The following SHISA5 variants were observed in gnomAD, a reference collection of about 807,000 sequenced individuals.
SHISA5 encodes the protein protein shisa-5.
A neutral mutation model predicts 27.5 loss-of-function variants in SHISA5; 21 were observed. The observed-to-expected ratio is 0.76, with a 90% CI of 0.54 to 1.10. SHISA5 has a LOEUF of 1.10. Among genes scored for constraint, SHISA5 ranks in the 50% least tolerant of loss-of-function variants. The probability of loss-of-function intolerance (pLI) is 0.00; values close to 1 mark genes in which losing one functional copy is unlikely to be tolerated. For synonymous variants in SHISA5, 137 were observed against 142.2 expected, an observed-to-expected ratio of 0.96 and a Z score of 0.26; for missense variants, 314 against 336.3, an observed-to-expected ratio of 0.93 and a Z score of 0.52.
intron 3 of SHISA5, among the ~76,000 whole-genome samples, chr3:48,474,977 T>C (rs762470097): frequency 2.0e-5 from 3 of 152,154 alleles, no homozygotes; most frequent in Non-Finnish European, 4.4e-5. Context: ...CTTCAGTTCA[T>C]AAACACACAC....
Position 48,469,673 on chromosome 3 carries a change from T to A in SHISA5, c.430+55A>T, listed in dbSNP as rs1284623468. ...CCAGCTTAGCCAAAGCAGGGCCTGG[T>A]CAGCTTCCCTTACCACCCCAGGGGG... On this transcript the variant is annotated intron_variant, in intron 4 of 5. Transcript: ENST00000296444. This position sits in a 1 kb window ranked among gnomAD's most constrained non-coding sequence, Gnocchi z 4.6. The A allele has an allele frequency of 1.3e-5, 21 of 1,607,988 alleles. No individual in the cohort carries two copies. Among genetic ancestry groups the A allele is most frequent in the Non-Finnish European group, 1.4e-5 (16 of 1,176,996 alleles).
chr3:48,474,978 A>G (rs1237859284), intron 3 of SHISA5, among the ~76,000 whole-genome samples: 20 of 152,100 alleles, frequency 1.3e-4, no homozygotes, highest in Admixed American at 1.3e-3. Flanking sequence ...TTCAGTTCAT[A>G]AACACACACT....
In SHISA5 at chr3:48,468,794, T is replaced by A; in HGVS notation, c.*313A>T. On this transcript the variant is annotated 3_prime_UTR_variant, in exon 6 of 6. Coordinates refer to ENST00000296444, the MANE Select transcript of SHISA5 (RefSeq NM_016479.6). ...GATGTGCCCTGGAGAGGCCCCCACC[T>A]CTCAGGGGCCACCTCACAGGGTGCC... 1 of 1,431,778 alleles carries A rather than the reference T, an allele frequency of 7.0e-7. No individual in the cohort carries two copies. The highest frequency in any genetic ancestry group is 9.3e-7 in the Non-Finnish European group (1 of 1,080,050). 88.7% of individuals were successfully genotyped at this position (1,431,778 alleles called of 1,614,324 possible).
intron 1 of SHISA5, chr3:48,503,298 C>T (rs961899779): frequency 3.1e-6 from 2 of 640,918 alleles, no homozygotes; most frequent in Non-Finnish European, 5.0e-6. Context: ...CAGGCTCACT[C>T]CAGGAGTGGG....
In SHISA5 at chr3:48,469,861, G is replaced by A. The variant is rs372173252; in HGVS notation, c.315-18C>T. ...CTCCGAACCTGCCAAAGAGCTAGAC[G>A]TGACCCGGGGCACCTCGCCCCTCCC... On this transcript the variant is annotated intron_variant, in intron 3 of 5. Transcript: ENST00000296444. The surrounding 1 kb of genome is among the most constrained non-coding windows in gnomAD (Gnocchi z 4.6). 5.0e-5 allele frequency: 81 copies of A among 1,607,378 alleles called. No individual in the cohort carries two copies. The African/African-American group carries it at 6.5e-4, about 13-fold the overall frequency.
chr3:48,472,976 TCAAA>T, intron 3 of SHISA5: 1 of 1,521,992 alleles, frequency 6.6e-7, no homozygotes, highest in Non-Finnish European at 8.8e-7. Context: ...TGTTTGTCTC[TCAAA>T]CACACACGCA....
chr3:48,491,063 C>T (rs924049783), intron 2 of SHISA5, among the ~76,000 whole-genome samples: 1 of 145,618 alleles, frequency 6.9e-6, no homozygotes, highest in African/African-American at 2.5e-5. Context: ...AGAAGCTCCC[C>T]ACCCTCCCAA....
At chr3:48,501,860 C>CTT (rs35527637) in intron 1 of SHISA5, among the ~76,000 whole-genome samples, 8,095 of 133,018 alleles carry the variant, frequency 0.061, 482 homozygotes, top group African/African-American at 0.13. Context: ...CCCTTTCTTT[C>CTT]TTTTTTTTTT....
At chr3:48,503,604 G>C (rs1163147509) in intron 1 of SHISA5, 1 of 667,700 alleles carries the variant, frequency 1.5e-6, no homozygotes, top group African/African-American at 2.0e-5. Flanking sequence ...AGGGCCAACG[G>C]AGGCAGCGGT....
chr3:48,500,962 C>A (rs536432785), intron 2 of SHISA5, among the ~76,000 whole-genome samples, 175 bp downstream of exon 2: 1 of 152,242 alleles, frequency 6.6e-6, no homozygotes, highest in South Asian at 2.1e-4. Context: ...ACTAACTGAG[C>A]AGGTCTAGGG....
rs149310132 is a variant in SHISA5 at position 48,469,745 on chromosome 3, G to T, written c.413C>A (p.Thr138Lys). 22 of 1,613,968 alleles carry T rather than the reference G, an allele frequency of 1.4e-5. No homozygotes were observed. Among genetic ancestry groups the T allele is most frequent in the Non-Finnish European group, 1.4e-5 (17 of 1,179,978 alleles). ...ACGCTTACGACGTGGTCGGCGGCAC[G>T]TCTTGTAAAGGCAGCAGCAGGAGCA... Reference protein sequence around the residue: ...FTCSCCCLYKTCRRPRPVVTT... With the variant: ...FTCSCCCLYKKCRRPRPVVTT... Residue 138 changes from threonine (T) to lysine (K), a missense_variant, in exon 4 of 6, where the codon ACG becomes AAG. Coordinates refer to ENST00000296444, the MANE Select transcript of SHISA5 (RefSeq NM_016479.6). This position sits in a 1 kb window ranked among gnomAD's most constrained non-coding sequence, Gnocchi z 4.6.
chr3:48,477,163 TTTG>T, intron 3 of SHISA5: 1 of 423,616 alleles, frequency 2.4e-6, no homozygotes, highest in Non-Finnish European at 4.6e-6. Flanking sequence ...ACTCCTTTTT[TTTG>T]TTGTTGCAAC....
At position 48,469,938 on chromosome 3, in the gene SHISA5, C is replaced by T; in HGVS notation, c.315-95G>A. 6.8e-7 allele frequency: 1 copy of T among 1,472,584 alleles called. No homozygotes were observed. Among genetic ancestry groups the T allele is most frequent in the Non-Finnish European group, 9.2e-7 (1 of 1,089,128 alleles). 91.2% of individuals were successfully genotyped at this position (1,472,584 alleles called of 1,614,324 possible). A position where few individuals can be genotyped will look rare whatever the true frequency, so the allele number is the denominator to read the frequency against. On this transcript the variant is annotated intron_variant, in intron 3 of 5. Coordinates refer to ENST00000296444, the MANE Select transcript of SHISA5 (RefSeq NM_016479.6). The surrounding 1 kb of genome is among the most constrained non-coding windows in gnomAD (Gnocchi z 4.6). ...GCATGCCCCTCTTGCCAGAAGGGGT[C>T]TGGGCAATACAGTTATAGCTACTTC...
chr3:48,501,098 G>A (rs1448554469), intron 2 of SHISA5, 39 bp downstream of exon 2: 1 of 1,576,530 alleles, frequency 6.3e-7, no homozygotes, highest in South Asian at 1.2e-5. Flanking sequence ...TGGGGCACAG[G>A]CTCAAGCCAC....
At chr3:48,502,039 T>C (rs1002147035) in intron 1 of SHISA5, among the ~76,000 whole-genome samples, 3 of 152,138 alleles carry the variant, frequency 2.0e-5, no homozygotes, top group Non-Finnish European at 2.9e-5. Context: ...TTTTTGTATT[T>C]TTTAGTACAG....
intron 2 of SHISA5, among the ~76,000 whole-genome samples, chr3:48,492,032 C>T (rs1051474584): frequency 2.0e-5 from 3 of 148,900 alleles, no homozygotes; most frequent in African/African-American, 5.1e-5. Context: ...AGGCTTTGCA[C>T]TTTAGAGTTA....
At position 48,468,772 on chromosome 3, in the gene SHISA5, G is replaced by A; in HGVS notation, c.*335C>T. 7.2e-7 allele frequency: 1 copy of A among 1,397,170 alleles called. No individual in the cohort carries two copies. The highest frequency in any genetic ancestry group is 9.4e-7 in the Non-Finnish European group (1 of 1,058,584). 86.5% of individuals were successfully genotyped at this position (1,397,170 alleles called of 1,614,324 possible). A position where few individuals can be genotyped will look rare whatever the true frequency, so the allele number is the denominator to read the frequency against. On this transcript the variant is annotated 3_prime_UTR_variant, in exon 6 of 6. Transcript: ENST00000296444. ...GGTAAGCTGGAGAAGAACTCCAGAT[G>A]TGCCCTGGAGAGGCCCCCACCTCTC...
At chr3:48,498,496 G>A (rs919740789) in intron 2 of SHISA5, among the ~76,000 whole-genome samples, 1 of 152,012 alleles carries the variant, frequency 6.6e-6, no homozygotes, top group African/African-American at 2.4e-5. Flanking sequence ...AGACCAACCT[G>A]GGCAACACAG....
chr3:48,482,681 G>C (rs1284803466), intron 2 of SHISA5, among the ~76,000 whole-genome samples: 1 of 151,956 alleles, frequency 6.6e-6, no homozygotes, highest in Non-Finnish European at 1.5e-5. Flanking sequence ...TGTCGCCCAG[G>C]CTGGAGTGCA....
Sources: gnomAD v4.1 joint callset for allele counts (sites outside exome capture counted in the v4.1 genomes callset) on GRCh38, gnomAD v4.1.1 for gene constraint, Gnocchi (gnomAD v3.1) non-coding constraint, MANE v1.5 for transcripts, NCBI Gene and HGNC (gene_info 2026-07-23, HGNC 2026-07-21) for gene names.